ADGRL3: variants seen among roughly 807,000 people sequenced by gnomAD.
The protein encoded by ADGRL3 is adhesion G protein-coupled receptor L3.
A neutral mutation model predicts 153.5 loss-of-function variants in ADGRL3; 62 were observed. The ratio of observed to expected loss-of-function variants is 0.40; its 90% CI spans 0.33 to 0.50. The LOEUF (loss-of-function observed/expected upper bound fraction) is 0.50. Among genes scored for constraint, ADGRL3 ranks in the 20% least tolerant of loss-of-function variants. The probability of loss-of-function intolerance (pLI) is 0.47; values close to 1 mark genes in which losing one functional copy is unlikely to be tolerated. For missense variants in ADGRL3, 1,641 were observed against 1,859.4 expected (o/e 0.88, Z 2.16); for synonymous variants, 710 against 672.5 (o/e 1.06, Z -0.86).
chr4:61,579,478 C>A, intron 4 of ADGRL3: 1 of 327,250 alleles, frequency 3.1e-6, no homozygotes, highest in Non-Finnish European at 6.1e-6. Context: ...TGTTGAAATG[C>A]TATAGTAAGT....
At chr4:61,444,002 A>G (rs776523780) in intron 2 of ADGRL3, among the ~76,000 whole-genome samples, 1 of 152,134 alleles carries the variant, frequency 6.6e-6, no homozygotes, top group Non-Finnish European at 1.5e-5. Flanking sequence ...CGTGAGTGTC[A>G]TTGAGAAACA....
intron 1 of ADGRL3, among the ~76,000 whole-genome samples, chr4:61,372,348 C>CA (rs1387330797): frequency 6.6e-6 from 1 of 152,030 alleles, no homozygotes. Context: ...GTTTTTTCCC[C>CA]ATCTTTGTGG....
intron 8 of ADGRL3, among the ~76,000 whole-genome samples, chr4:61,810,455 T>C (rs2097600570): frequency 6.6e-6 from 1 of 152,184 alleles, no homozygotes. Context: ...CATGGTTCTA[T>C]AAAGTATTTC....
chr4:61,454,593 A>T (rs2097712928), intron 2 of ADGRL3, among the ~76,000 whole-genome samples: 1 of 152,104 alleles, frequency 6.6e-6, no homozygotes, highest in South Asian at 2.1e-4. Context: ...TGAGTTTTAG[A>T]ATACCTTATT....
At chr4:61,792,852 C>G (rs2097360529) in intron 8 of ADGRL3, among the ~76,000 whole-genome samples, 1 of 152,028 alleles carries the variant, frequency 6.6e-6, no homozygotes, top group Admixed American at 6.6e-5. Context: ...GCCTGTTAAC[C>G]AGTTCCAAAG....
intron 13 of ADGRL3, among the ~76,000 whole-genome samples, chr4:61,933,413 G>T (rs1479946344): frequency 6.6e-6 from 1 of 151,914 alleles, no homozygotes; most frequent in Non-Finnish European, 1.5e-5. Context: ...TGGCTACTAG[G>T]TCACGCTTTA....
chr4:61,979,910 T>C (rs2099061616), intron 18 of ADGRL3, 138 bp downstream of exon 18: 1 of 727,682 alleles, frequency 1.4e-6, no homozygotes, highest in Non-Finnish European at 2.2e-6. Flanking sequence ...CAGGCCTTAC[T>C]CAGTTTTCCA....
chr4:61,680,915 G>C (rs2095321999), intron 6 of ADGRL3, among the ~76,000 whole-genome samples: 1 of 151,910 alleles, frequency 6.6e-6, no homozygotes, highest in African/African-American at 2.4e-5. Context: ...ACAAAATTTG[G>C]AACAGATGAA....
At chr4:61,786,115 C>A (rs2152409187) in intron 8 of ADGRL3, among the ~76,000 whole-genome samples, 1 of 152,256 alleles carries the variant, frequency 6.6e-6, no homozygotes, top group East Asian at 1.9e-4. Flanking sequence ...ACTTTATCTG[C>A]AGAATGTTAG....
At chr4:62,005,713 C>T (rs1054974429) in intron 21 of ADGRL3, among the ~76,000 whole-genome samples, 8 of 151,626 alleles carry the variant, frequency 5.3e-5, no homozygotes, top group African/African-American at 1.9e-4. Flanking sequence ...TATAGTTTTT[C>T]CCCCAAATGG....
intron 1 of ADGRL3, among the ~76,000 whole-genome samples, chr4:61,264,024 A>C (rs2092703680): frequency 6.6e-6 from 1 of 151,924 alleles, no homozygotes; most frequent in Admixed American, 6.6e-5. Flanking sequence ...GGAAACAAGT[A>C]GATTTTCAGG....
intron 6 of ADGRL3, among the ~76,000 whole-genome samples, chr4:61,721,079 T>C (rs188572614): frequency 2.0e-5 from 3 of 152,324 alleles, no homozygotes; most frequent in Admixed American, 1.3e-4. Context: ...ATAACTTAAA[T>C]GTGAATATCA....
chr4:61,524,595 A>G (rs1046263372), intron 4 of ADGRL3, among the ~76,000 whole-genome samples: 2 of 152,000 alleles, frequency 1.3e-5, no homozygotes, highest in African/African-American at 4.8e-5. Context: ...TTTACTGTTT[A>G]CTAACTATCT....
intron 13 of ADGRL3, among the ~76,000 whole-genome samples, chr4:61,926,181 C>A (rs916249531): frequency 1.9e-4 from 29 of 152,096 alleles, no homozygotes; most frequent in African/African-American, 5.8e-4. Context: ...CTGTATAGAG[C>A]AGCTCCATTT....
At chr4:61,699,469 A>G (rs1240325674) in intron 6 of ADGRL3, among the ~76,000 whole-genome samples, 2 of 152,160 alleles carry the variant, frequency 1.3e-5, no homozygotes, top group East Asian at 3.9e-4. Context: ...GAAGTTAGGG[A>G]GAAAGACACA....
intron 2 of ADGRL3, among the ~76,000 whole-genome samples, chr4:61,445,716 T>A (rs919689614): frequency 6.6e-6 from 1 of 152,220 alleles, no homozygotes; most frequent in Admixed American, 6.5e-5. Flanking sequence ...GAGCTCTCAG[T>A]TGAGTCACAT....
intron 2 of ADGRL3, among the ~76,000 whole-genome samples, chr4:61,464,904 A>G (rs1344823343): frequency 6.6e-6 from 1 of 152,182 alleles, no homozygotes; most frequent in Non-Finnish European, 1.5e-5. Flanking sequence ...CAACAGGCAC[A>G]TTAGTCAGCA....
rs1745544311 is a variant in ADGRL3 at position 62,071,136 on chromosome 4, C to T, written c.*228C>T. On this transcript the variant is annotated 3_prime_UTR_variant, in exon 27 of 27. Coordinates refer to ENST00000683033, the MANE Select transcript of ADGRL3 (RefSeq NM_001387552.1). ...GTACCCCATCCTTTCTTGTCCTTTC[C>T]CCTTCAGATGGAGACTTCATTATGT... The T allele has an allele frequency of 2.3e-6, 1 of 442,722 alleles. No individual in the cohort carries two copies. The highest frequency in any genetic ancestry group is 2.0e-5 in the African/African-American group (1 of 51,070). The allele number at this position is 442,722 out of a possible 1,614,324, so 27.4% of individuals were successfully genotyped here. A position where few individuals can be genotyped will look rare whatever the true frequency, so the allele number is the denominator to read the frequency against.
At chr4:61,487,213 G>C (rs1444333395) in intron 2 of ADGRL3, among the ~76,000 whole-genome samples, 1 of 152,040 alleles carries the variant, frequency 6.6e-6, no homozygotes, top group Non-Finnish European at 1.5e-5. Context: ...CACAAACCTT[G>C]GGTCTAGACT....
Sources: gnomAD v4.1 joint callset for allele counts (sites outside exome capture counted in the v4.1 genomes callset) on GRCh38, gnomAD v4.1.1 for gene constraint, MANE v1.5 for transcripts, NCBI Gene and HGNC (gene_info 2026-07-23, HGNC 2026-07-21) for gene names.